Variants in NALCN observed in about 807,000 individuals in gnomAD.
The protein encoded by NALCN is sodium leak channel, non-selective, also known as sodium leak channel NALCN.
Under a neutral mutation model 225.3 loss-of-function variants are expected in NALCN, and 111 were observed. The ratio of observed to expected loss-of-function variants is 0.49; its 90% CI spans 0.42 to 0.58. The LOEUF (loss-of-function observed/expected upper bound fraction) is 0.58. Ranked by LOEUF, NALCN falls within the 20% of genes least tolerant of loss-of-function variation. The pLI, the probability that NALCN is intolerant of heterozygous loss-of-function variation, is 0.00. For synonymous variants in NALCN, 764 were observed against 769.0 expected, an observed-to-expected ratio of 0.99 and a Z score of 0.11; for missense variants, 1,378 against 2,202.4, an observed-to-expected ratio of 0.63 and a Z score of 7.49.
intron 7 of NALCN, among the ~76,000 whole-genome samples, chr13:101,344,441 C>T (rs2045652137): frequency 1.3e-5 from 2 of 152,104 alleles, no homozygotes; most frequent in Admixed American, 6.6e-5. Context: ...CATCAGCCCA[C>T]GTTCAGTACT....
In NALCN at chr13:101,059,675, T is replaced by TG; in HGVS notation, c.4905+142_4905+143insC. On this transcript the variant is annotated intron_variant, in intron 42 of 43. Coordinates refer to ENST00000251127, the MANE Select transcript of NALCN (RefSeq NM_052867.4). ...TCTGGATCAATGGATTTCCGTTGCCTTTTTTTTTTTTAATGAAAATATTCC... is the reference window on the plus strand; with the variant it reads ...TCTGGATCAATGGATTTCCGTTGCCTGTTTTTTTTTTTAATGAAAATATTCC... The TG allele has an allele frequency of 6.8e-5, 16 of 235,364 alleles. No homozygotes were observed. In the African/African-American group the frequency reaches 8.3e-4, roughly 12 times the overall value. The allele number at this position is 235,364 out of a possible 1,614,324, so 14.6% of individuals were successfully genotyped here. A position where few individuals can be genotyped will look rare whatever the true frequency, so the allele number is the denominator to read the frequency against.
intron 17 of NALCN, among the ~76,000 whole-genome samples, chr13:101,135,249 A>G (rs2036726556): frequency 1.3e-5 from 2 of 152,238 alleles, no homozygotes; most frequent in South Asian, 4.1e-4. Context: ...TTAATTACAA[A>G]AGTAAAATAC....
chr13:101,373,177 T>A (rs2046589832), intron 6 of NALCN: 1 of 223,488 alleles, frequency 4.5e-6, no homozygotes, highest in Admixed American at 5.9e-5. Flanking sequence ...TACATTTAAT[T>A]TGTAATGAAA....
At chr13:101,122,006 G>C (rs1179051733) in intron 18 of NALCN, among the ~76,000 whole-genome samples, 2 of 145,036 alleles carry the variant, frequency 1.4e-5, no homozygotes, top group Non-Finnish European at 3.0e-5. Flanking sequence ...TTTCCTTTTA[G>C]CTGTTATTGT....
intron 14 of NALCN, among the ~76,000 whole-genome samples, chr13:101,184,147 T>C (rs1470569997): frequency 6.6e-6 from 1 of 152,246 alleles, no homozygotes; most frequent in Non-Finnish European, 1.5e-5. Context: ...TTCAGATATC[T>C]AATTCTTTAT....
intron 13 of NALCN, among the ~76,000 whole-genome samples, chr13:101,202,121 T>C (rs2040146323): frequency 6.6e-6 from 1 of 152,224 alleles, no homozygotes; most frequent in Non-Finnish European, 1.5e-5. Context: ...AATCCGTTAA[T>C]ATTTTGTTTT....
intron 7 of NALCN, among the ~76,000 whole-genome samples, chr13:101,338,955 T>C (rs1401429471): frequency 2.6e-5 from 4 of 152,224 alleles, no homozygotes; most frequent in African/African-American, 9.6e-5. Context: ...GATCCCCACC[T>C]GTGTGGGTAA....
chr13:101,134,614 A>G (rs920322072), intron 17 of NALCN, among the ~76,000 whole-genome samples: 2 of 152,244 alleles, frequency 1.3e-5, no homozygotes, highest in Non-Finnish European at 2.9e-5. Context: ...CGTAAAAATT[A>G]CAAAGAGGGA....
At position 101,337,025 on chromosome 13, in the gene NALCN, T is replaced by C. The variant is rs139926253; in HGVS notation, c.799+8241A>G. On this transcript the variant is annotated intron_variant, in intron 7 of 43. Transcript: ENST00000251127. ...ACCTAATTTTACATCAAAAGTAGTA[T>C]TTACTAATTTTTTCTGGCATTATCT... Among the ~76,000 whole-genome samples, 670 of 152,300 alleles carry C rather than the reference T, an allele frequency of 4.4e-3. 3 individuals are homozygous for C. The highest frequency in any genetic ancestry group is 0.015 in the African/African-American group (637 of 41,566).
rs867594722 is a variant in NALCN, at chr13:101,369,899, C to T, written c.644+6801G>A. 2.0e-5 allele frequency among the ~76,000 whole-genome samples: 3 copies of T among 152,166 alleles called. No homozygotes were observed. The East Asian group carries it at 5.8e-4, about 29-fold the overall frequency. On this transcript the variant is annotated intron_variant, in intron 6 of 43. Coordinates refer to ENST00000251127, the MANE Select transcript of NALCN (RefSeq NM_052867.4). ...ACCACTTGCTTCAATTTTCTTACTC[C>T]GTATATGAACTAATTCACTGCTTCT...
chr13:101,112,216 C>G (rs976802228), intron 18 of NALCN, among the ~76,000 whole-genome samples: 1 of 149,792 alleles, frequency 6.7e-6, no homozygotes, highest in Non-Finnish European at 1.5e-5. Flanking sequence ...AAAAAGCACA[C>G]AGTTTTTGGA....
chr13:101,372,469 A>T (rs2046567309), intron 6 of NALCN, among the ~76,000 whole-genome samples: 1 of 152,160 alleles, frequency 6.6e-6, no homozygotes, highest in Non-Finnish European at 1.5e-5. Flanking sequence ...ATTCCTAATG[A>T]ATTTCAAAAG....
At chr13:101,129,056 T>C (rs1218997834) in intron 17 of NALCN, among the ~76,000 whole-genome samples, 1 of 152,224 alleles carries the variant, frequency 6.6e-6, no homozygotes, top group East Asian at 1.9e-4. Context: ...TGTTTCTTTT[T>C]GTGATGTTAC....
chr13:101,280,131 G>T (rs1483956092), intron 10 of NALCN, among the ~76,000 whole-genome samples: 1 of 152,008 alleles, frequency 6.6e-6, no homozygotes, highest in Admixed American at 6.6e-5. Context: ...CACAGCTCCT[G>T]CCCGGTACAA....
intron 7 of NALCN, among the ~76,000 whole-genome samples, chr13:101,312,962 T>C (rs916883092): frequency 6.6e-6 from 1 of 152,188 alleles, no homozygotes; most frequent in Non-Finnish European, 1.5e-5. Flanking sequence ...CAAAACAGCA[T>C]GGTACTGGTA....
intron 25 of NALCN, among the ~76,000 whole-genome samples, chr13:101,103,659 A>G (rs1272978609): frequency 5.3e-5 from 8 of 152,154 alleles, no homozygotes; most frequent in African/African-American, 1.7e-4. Context: ...AATTCCTTTT[A>G]TCAAGGTTAC....
chr13:101,262,740 G>T (rs988635832), intron 10 of NALCN, among the ~76,000 whole-genome samples: 1 of 152,168 alleles, frequency 6.6e-6, no homozygotes, highest in Admixed American at 6.6e-5. Context: ...GTTTCATGGG[G>T]TCTTCCTTAT....
At chr13:101,357,581 A>C (rs1044745888) in intron 6 of NALCN, among the ~76,000 whole-genome samples, 1 of 152,238 alleles carries the variant, frequency 6.6e-6, no homozygotes, top group South Asian at 2.1e-4. Flanking sequence ...GATAGGAAGA[A>C]TCAATATCAT....
chr13:101,327,638 C>T (rs548305199), intron 7 of NALCN, among the ~76,000 whole-genome samples: 24 of 152,222 alleles, frequency 1.6e-4, no homozygotes, highest in African/African-American at 5.1e-4. Context: ...CCCAGGTAAT[C>T]CTTCTTTTAA....
Sources: gnomAD v4.1 joint callset for allele counts (sites outside exome capture counted in the v4.1 genomes callset) on GRCh38, gnomAD v4.1.1 for gene constraint, MANE v1.5 for transcripts, NCBI Gene and HGNC (gene_info 2026-07-23, HGNC 2026-07-21) for gene names.